Variants in HS2ST1 observed in about 807,000 individuals in gnomAD.
The protein encoded by HS2ST1 is heparan sulfate 2-O-sulfotransferase 1.
In HS2ST1, 18 loss-of-function variants were observed where a neutral mutation model predicts 42.9. The ratio of observed to expected loss-of-function variants is 0.42; its 90% confidence interval spans 0.29 to 0.62. The LOEUF (loss-of-function observed/expected upper bound fraction) is 0.62. Ranked by LOEUF, HS2ST1 falls within the 20% of genes least tolerant of loss-of-function variation. The probability of loss-of-function intolerance (pLI) is 0.21; values close to 1 mark genes in which losing one functional copy is unlikely to be tolerated. For missense variants in HS2ST1, 334 were observed against 433.8 expected, an observed-to-expected ratio of 0.77 and a Z score of 2.04; for synonymous variants, 146 against 152.9, an observed-to-expected ratio of 0.95 and a Z score of 0.33.
chr1:86,968,542 C>T (rs1648131170), intron 1 of HS2ST1, among the ~76,000 whole-genome samples: 1 of 151,782 alleles, frequency 6.6e-6, no homozygotes, highest in Non-Finnish European at 1.5e-5. Context: ...GTAGCTGGGA[C>T]TACAGGTGTA....
At chr1:86,962,180 T>C (rs1019286611) in intron 1 of HS2ST1, among the ~76,000 whole-genome samples, 2 of 152,186 alleles carry the variant, frequency 1.3e-5, no homozygotes, top group African/African-American at 4.8e-5. Flanking sequence ...TTGCTAAATA[T>C]TGACAGACAC....
chr1:87,096,779 A>G (rs2100653308), intron 4 of HS2ST1, among the ~76,000 whole-genome samples: 1 of 152,268 alleles, frequency 6.6e-6, no homozygotes, highest in African/African-American at 2.4e-5. Context: ...GGATATCAAC[A>G]CTGTCAGTTT....
intron 1 of HS2ST1, among the ~76,000 whole-genome samples, chr1:86,924,359 A>G (rs1226832511): frequency 1.3e-5 from 2 of 152,144 alleles, no homozygotes; most frequent in Non-Finnish European, 2.9e-5. Flanking sequence ...CAGTGGATCT[A>G]CCATTCTGAG....
chr1:87,015,572 C>T (rs1472506115), intron 1 of HS2ST1, among the ~76,000 whole-genome samples: 3 of 143,662 alleles, frequency 2.1e-5, no homozygotes. Context: ...TCTTGATTTC[C>T]TGACCTCGTG....
chr1:87,102,910 G>A (rs1006384604), intron 5 of HS2ST1, among the ~76,000 whole-genome samples: 1 of 152,134 alleles, frequency 6.6e-6, no homozygotes, highest in African/African-American at 2.4e-5. Context: ...TCAAATCTCT[G>A]TTAATAGCAT....
chr1:87,101,149 G>GTGTTTTTTTTTTTTTTTTTTTT (rs1557546421), intron 5 of HS2ST1, among the ~76,000 whole-genome samples: 3 of 59,540 alleles, frequency 5.0e-5, no homozygotes, highest in African/African-American at 6.5e-5. Context: ...GTGTGTGTGT[G>GTGTTTTTTTTTTTTTTTTTTTT]TTTTTTGTTT....
intron 1 of HS2ST1, among the ~76,000 whole-genome samples, chr1:86,999,267 C>T (rs1330927650): frequency 1.3e-5 from 2 of 152,114 alleles, no homozygotes; most frequent in Non-Finnish European, 2.9e-5. Flanking sequence ...CGGTCTCTGC[C>T]TTCTGGGTTC....
At chr1:87,012,132 C>T (rs370576838) in intron 1 of HS2ST1, among the ~76,000 whole-genome samples, 6 of 152,168 alleles carry the variant, frequency 3.9e-5, no homozygotes, top group East Asian at 3.9e-4. Flanking sequence ...CTTCATTTTA[C>T]GGTTACTTCC....
intron 1 of HS2ST1, among the ~76,000 whole-genome samples, chr1:87,067,085 C>T (rs935520668): frequency 6.6e-6 from 1 of 152,048 alleles, no homozygotes; most frequent in Non-Finnish European, 1.5e-5. Flanking sequence ...GGGTATATAC[C>T]CAGTAATGGG....
intron 1 of HS2ST1, among the ~76,000 whole-genome samples, chr1:86,936,459 GAC>G (rs1660655052): frequency 6.6e-6 from 1 of 152,040 alleles, no homozygotes; most frequent in African/African-American, 2.4e-5. Context: ...TCTAATATCT[GAC>G]ATTAAAATTA....
At chr1:87,077,275 T>C (rs1261569479) in intron 2 of HS2ST1, among the ~76,000 whole-genome samples, 1 of 152,202 alleles carries the variant, frequency 6.6e-6, no homozygotes, top group Non-Finnish European at 1.5e-5. Flanking sequence ...TCCACATTTC[T>C]TACATAGACC....
intron 1 of HS2ST1, among the ~76,000 whole-genome samples, chr1:86,947,191 T>A (rs1163987305): frequency 5.3e-5 from 8 of 152,220 alleles, no homozygotes; most frequent in Non-Finnish European, 1.5e-5. Flanking sequence ...CTTCCAAGGT[T>A]TTTGCTAAGT....
rs1652417972 is a variant in HS2ST1, at chr1:87,109,465, G to T, written c.*4769G>T. 1 of 151,908 alleles carries T rather than the reference G, an allele frequency of 6.6e-6. No individual in the cohort carries two copies. Among genetic ancestry groups the T allele is most frequent in the Non-Finnish European group, 1.5e-5 (1 of 67,954 alleles). 9.4% of individuals were successfully genotyped at this position (151,908 alleles called of 1,614,324 possible). A position where few individuals can be genotyped will look rare whatever the true frequency, so the allele number is the denominator to read the frequency against. ...ATTAGAAGAAAAAAATAGAGAAAGG[G>T]CTATTAGAATTAAAAAAATTTGAAA... On this transcript the variant is annotated 3_prime_UTR_variant, in exon 7 of 7. Transcript: ENST00000370550.
intron 2 of HS2ST1, among the ~76,000 whole-genome samples, chr1:87,075,707 T>C (rs1293369150): frequency 6.6e-6 from 1 of 152,160 alleles, no homozygotes; most frequent in Non-Finnish European, 1.5e-5. Context: ...TTCCTAGACA[T>C]TTTTTGTACA....
rs1228307277 is a variant in HS2ST1 at position 87,109,725 on chromosome 1, GTT to G, written c.*5031_*5032del. ...TGATGAGTTTTCTTAACAGAATTTG[GTT>G]TGTACTTGCAGTGGCTGAACAAAGA... On this transcript the variant is annotated 3_prime_UTR_variant, in exon 7 of 7. Coordinates refer to ENST00000370550, the MANE Select transcript of HS2ST1 (RefSeq NM_012262.4). 2 of 152,046 alleles carry G rather than the reference GTT, an allele frequency of 1.3e-5. No homozygotes were observed. Among genetic ancestry groups the G allele is most frequent in the Non-Finnish European group, 2.9e-5 (2 of 67,976 alleles). 9.4% of individuals were successfully genotyped at this position (152,046 alleles called of 1,614,324 possible).
At chr1:86,956,709 T>G (rs1030586900) in intron 1 of HS2ST1, 1 of 152,208 alleles carries the variant, frequency 6.6e-6, no homozygotes, top group Non-Finnish European at 1.5e-5. Context: ...TTGACTTCTT[T>G]ATAGGTTGCC....
At chr1:86,921,797 C>G (rs555674570) in intron 1 of HS2ST1, among the ~76,000 whole-genome samples, 12 of 152,286 alleles carry the variant, frequency 7.9e-5, no homozygotes, top group Admixed American at 7.2e-4. Flanking sequence ...TAGTACCACA[C>G]AATGGACTAT....
chr1:86,998,002 T>C (rs1649156036), intron 1 of HS2ST1, among the ~76,000 whole-genome samples: 1 of 152,230 alleles, frequency 6.6e-6, no homozygotes, highest in East Asian at 1.9e-4. Flanking sequence ...CCTTTGATCA[T>C]AATTGTCCAC....
intron 1 of HS2ST1, among the ~76,000 whole-genome samples, chr1:86,968,115 C>T (rs867174136): frequency 1.5e-4 from 23 of 152,072 alleles, no homozygotes; most frequent in Non-Finnish European, 1.3e-4. Flanking sequence ...TGTCGTTTGC[C>T]CACTTATTGA....
Sources: allele counts gnomAD v4.1 joint callset (sites outside exome capture counted in the v4.1 genomes callset), GRCh38; gene constraint gnomAD v4.1.1; transcripts MANE v1.5; gene names NCBI Gene and HGNC (gene_info 2026-07-23, HGNC 2026-07-21).